SLC24A5: variants seen among roughly 807,000 people sequenced by gnomAD.
SLC24A5 encodes sodium/potassium/calcium exchanger 5.
A neutral mutation model predicts 51.6 loss-of-function variants in SLC24A5; 46 were observed. The ratio of observed to expected loss-of-function variants is 0.89; its 90% CI spans 0.70 to 1.14. The LOEUF is 1.14. SLC24A5 is among the 50% of genes most tolerant of loss of function. SLC24A5 has a pLI of 0.00. For synonymous variants in SLC24A5, 230 were observed against 214.9 expected (o/e 1.07, Z -0.62); for missense variants, 581 against 604.1 (o/e 0.96, Z 0.40).
chr15:48,136,989 TA>T (rs777308259), intron 6 of SLC24A5, 26 bp downstream of exon 6: 5 of 1,582,050 alleles, frequency 3.2e-6, no homozygotes, highest in Non-Finnish European at 3.4e-6. Context: ...TGCCCATTAT[TA>T]AGTCTATTCG....
At chr15:48,134,186 T>C in intron 2 of SLC24A5, 72 bp from the exon 3 acceptor site, 1 of 1,208,416 alleles carries the variant, frequency 8.3e-7, no homozygotes. Flanking sequence ...GCTTTGAGTA[T>C]CTATTGTGTT....
rs1335935446 is a variant in SLC24A5, at chr15:48,142,472, A to C, written c.*121A>C. The C allele has an allele frequency of 1.3e-6, 1 of 755,714 alleles. No homozygotes were observed. The highest frequency in any genetic ancestry group is 3.5e-5 in the Admixed American group (1 of 28,622). 46.8% of individuals were successfully genotyped at this position (755,714 alleles called of 1,614,324 possible). ...ACCTTAGAATCTAAAACTTACAGTA[A>C]TTTAAAACCAACCAAAATCACATCC... On this transcript the variant is annotated 3_prime_UTR_variant, in exon 9 of 9. Transcript: ENST00000341459.
intron 4 of SLC24A5, 59 bp downstream of exon 4, chr15:48,134,597 T>C: frequency 7.2e-7 from 1 of 1,387,742 alleles, no homozygotes; most frequent in Non-Finnish European, 1.0e-6. Context: ...AAGATAACTG[T>C]TCGTCGTCTG....
chr15:48,134,427 G>C lies in SLC24A5; in HGVS notation c.386-8G>C. 6.2e-7 allele frequency: 1 copy of C among 1,610,944 alleles called. No individual in the cohort carries two copies. ...ACACTAACTTAGCTGGTACTATCTT[G>C]CACATAGGTGTATTTATCACAAAGG... On this transcript the variant is annotated splice_region_variant and splice_polypyrimidine_tract_variant and intron_variant, in intron 3 of 8. Transcript: ENST00000341459.
At chr15:48,125,091 C>A (rs2038717005) in intron 2 of SLC24A5, among the ~76,000 whole-genome samples, 1 of 152,032 alleles carries the variant, frequency 6.6e-6, no homozygotes, top group South Asian at 2.1e-4. Flanking sequence ...TTGCCTTTCC[C>A]CAGTTTCTTG....
At chr15:48,128,637 G>A (rs1306064923) in intron 2 of SLC24A5, among the ~76,000 whole-genome samples, 2 of 152,118 alleles carry the variant, frequency 1.3e-5, no homozygotes, top group East Asian at 1.9e-4. Flanking sequence ...ATTTACAGAA[G>A]CAAAAGCTTT....
At chr15:48,136,614 T>C in intron 5 of SLC24A5, 69 bp from the exon 6 acceptor site, 2 of 1,381,322 alleles carry the variant, frequency 1.4e-6, no homozygotes, top group Non-Finnish European at 2.0e-6. Context: ...CAATAGATAC[T>C]GCCCAAAAGC....
intron 4 of SLC24A5, 39 bp from the exon 5 acceptor site, chr15:48,134,845 G>T (rs772962339): frequency 1.5e-5 from 22 of 1,433,846 alleles, no homozygotes; most frequent in Non-Finnish European, 2.0e-5. Context: ...ACTTGAAGAA[G>T]TTACAATGTA....
At chr15:48,121,401 G>A (rs1161594568) in intron 1 of SLC24A5, among the ~76,000 whole-genome samples, 3 of 152,098 alleles carry the variant, frequency 2.0e-5, no homozygotes, top group African/African-American at 7.2e-5. Flanking sequence ...TTTTGTTCTT[G>A]GAGACTTTTT....
chr15:48,134,375 A>C (rs761575266), intron 3 of SLC24A5, 34 bp downstream of exon 3: 38 of 1,610,680 alleles, frequency 2.4e-5, no homozygotes, highest in Non-Finnish European at 3.1e-5. Context: ...TTGCTTACTC[A>C]GTGTGATTTT....
At chr15:48,128,438 G>A (rs1191867116) in intron 2 of SLC24A5, among the ~76,000 whole-genome samples, 1 of 152,102 alleles carries the variant, frequency 6.6e-6, no homozygotes, top group African/African-American at 2.4e-5. Context: ...CACTTACTCT[G>A]CTTTGGACTA....
Position 48,139,521 on chromosome 15 carries a change from TA to T in SLC24A5, c.1078+358del, listed in dbSNP as rs397960204. ...CTTTATATTGAATTCCATTCCATAATAAAAAAAAAAAAGAACAAAAAAACAA... is the reference window on the plus strand; with the variant it reads ...CTTTATATTGAATTCCATTCCATAATAAAAAAAAAAAGAACAAAAAAACAA... On this transcript the variant is annotated intron_variant, in intron 7 of 8. Coordinates refer to ENST00000341459, the MANE Select transcript of SLC24A5 (RefSeq NM_205850.3). 9.7e-3 allele frequency: 1,395 copies of T among 143,654 alleles called. 2 individuals are homozygous for T. The highest frequency in any genetic ancestry group is 0.017 in the East Asian group (88 of 5,218). The allele number at this position is 143,654 out of a possible 1,614,324, so 8.9% of individuals were successfully genotyped here.
intron 2 of SLC24A5, among the ~76,000 whole-genome samples, chr15:48,125,354 T>C (rs1403935219): frequency 3.3e-5 from 5 of 151,582 alleles, no homozygotes; most frequent in Admixed American, 3.3e-4. Context: ...GGACTAATGT[T>C]TTGGTTTTAC....
intron 2 of SLC24A5, among the ~76,000 whole-genome samples, chr15:48,130,841 G>T (rs2038782740): frequency 6.6e-6 from 1 of 152,030 alleles, no homozygotes; most frequent in African/African-American, 2.4e-5. Context: ...AAACAAAAAA[G>T]ATTCAGTCAC....
At position 48,134,286 on chromosome 15, in the gene SLC24A5, C is replaced by T. The variant is rs780108633; in HGVS notation, c.330C>T (p.Gly110=). The part of the protein sequence containing the change: ...ESLGLSQDVA[G]TTFMAAGSSA... ...TTGGATTGTCTCAGGATGTTGCAGG[C>T]ACAACTTTCATGGCAGCGGGCAGTT... Residue 110 remains glycine, a synonymous_variant, in exon 3 of 9, where the codon GGC becomes GGT. Coordinates refer to ENST00000341459, the MANE Select transcript of SLC24A5 (RefSeq NM_205850.3). 1.1e-5 allele frequency: 17 copies of T among 1,613,658 alleles called. No individual in the cohort carries two copies. In the East Asian group the frequency reaches 2.7e-4, roughly 25 times the overall value.
At chr15:48,132,951 C>T (rs2038808080) in intron 2 of SLC24A5, among the ~76,000 whole-genome samples, 1 of 152,000 alleles carries the variant, frequency 6.6e-6, no homozygotes, top group Non-Finnish European at 1.5e-5. Flanking sequence ...AATACCATAA[C>T]TATTATTGTA....
chr15:48,133,497 G>A (rs1004262906), intron 2 of SLC24A5, among the ~76,000 whole-genome samples: 7 of 152,080 alleles, frequency 4.6e-5, no homozygotes, highest in African/African-American at 1.4e-4. Context: ...TGTAAGCCTG[G>A]TGGATAGAAA....
At chr15:48,124,535 C>T (rs1031665422) in intron 2 of SLC24A5, 4 of 152,014 alleles carry the variant, frequency 2.6e-5, no homozygotes, top group African/African-American at 9.7e-5. Context: ...AATGACTTAA[C>T]TGAACAATGA....
chr15:48,141,037 G>A (rs886817576), intron 7 of SLC24A5, 76 bp from the exon 8 acceptor site: 12 of 1,218,926 alleles, frequency 9.8e-6, no homozygotes, highest in Non-Finnish European at 1.3e-5. Context: ...GTTCACGAAG[G>A]AAATATCCAA....
Sources: allele counts gnomAD v4.1 joint callset (sites outside exome capture counted in the v4.1 genomes callset), GRCh38; gene constraint gnomAD v4.1.1; transcripts MANE v1.5; gene names NCBI Gene and HGNC (gene_info 2026-07-23, HGNC 2026-07-21).